The following HPS4 variants were observed in gnomAD, a reference collection of about 807,000 sequenced individuals.
HPS4 encodes BLOC-3 complex member HPS4.
HPS4 carries 44 observed loss-of-function variants against 70.3 expected under a neutral mutation model. The observed-to-expected ratio is 0.63, with a 90% CI of 0.49 to 0.80. The LOEUF (loss-of-function observed/expected upper bound fraction) is 0.80. HPS4 is among the 30% of genes least tolerant of loss of function. The pLI, the probability that HPS4 is intolerant of heterozygous loss-of-function variation, is 0.00. For missense variants in HPS4, 873 were observed against 884.4 expected, an observed-to-expected ratio of 0.99 and a Z score of 0.16; for synonymous variants, 377 against 355.9, an observed-to-expected ratio of 1.06 and a Z score of -0.67.
At chr22:26,446,401 G>A (rs1414403720), downstream of HPS4, among the ~76,000 whole-genome samples, 2 of 152,228 alleles carry the variant, frequency 1.3e-5, no homozygotes, top group Non-Finnish European at 2.9e-5. Flanking sequence ...CTGTGGGGGA[G>A]AGGAGTGATC....
chr22:26,449,664 C>A (rs1193081343), downstream of HPS4, among the ~76,000 whole-genome samples: 1 of 152,172 alleles, frequency 6.6e-6, no homozygotes, highest in Non-Finnish European at 1.5e-5. Context: ...CTGTGCCCCG[C>A]GCCATGGCAA....
chr22:26,476,690 AGAT>A (rs1476429100), intron 4 of HPS4: 6 of 368,498 alleles, frequency 1.6e-5, no homozygotes, highest in South Asian at 1.2e-4. Flanking sequence ...GGAGAAGAAA[AGAT>A]GATGATAAAA....
At chr22:26,454,653 T>A (rs999328755) in intron 13 of HPS4, among the ~76,000 whole-genome samples, 1 of 152,196 alleles carries the variant, frequency 6.6e-6, no homozygotes, top group Non-Finnish European at 1.5e-5. Flanking sequence ...GGCAATACCA[T>A]TCAGGACATA....
intron 11 of HPS4, among the ~76,000 whole-genome samples, chr22:26,458,971 C>CA (rs998368971): frequency 6.6e-6 from 1 of 151,964 alleles, no homozygotes; most frequent in African/African-American, 2.4e-5. Context: ...AAGAGATGAG[C>CA]AAAAAAATAA....
intron 6 of HPS4, 104 bp downstream of exon 6, chr22:26,472,198 A>G: frequency 3.7e-6 from 3 of 820,150 alleles, no homozygotes; most frequent in Non-Finnish European, 6.5e-6. Context: ...GAGAAGTGAC[A>G]TTCTACTCAC....
chr22:26,458,044 AAC>A, intron 12 of HPS4, 77 bp from the exon 13 acceptor site: 1 of 1,189,230 alleles, frequency 8.4e-7, no homozygotes. Context: ...CCCAGTACTG[AAC>A]ACGGGGACTG....
chr22:26,455,052 G>C (rs960467337), intron 13 of HPS4, among the ~76,000 whole-genome samples: 2 of 152,240 alleles, frequency 1.3e-5, no homozygotes, highest in Admixed American at 1.3e-4. Flanking sequence ...ACATCAGTTA[G>C]AATGGCGATC....
Position 26,464,547 on chromosome 22 carries a change from G to C in HPS4, c.1083C>G (p.Val361=), listed in dbSNP as rs532646940. The C allele has an allele frequency of 9.2e-5, 148 of 1,614,202 alleles. 3 individuals are homozygous for C. In the South Asian group the frequency reaches 1.6e-3, roughly 17 times the overall value. Reference sequence around the variant, plus strand: ...ACAAGTCGAGTTCTTCTTGGAGAAAGACTAGTTCCTTCCCCAGGGAGGAGC... The same window carrying C: ...ACAAGTCGAGTTCTTCTTGGAGAAACACTAGTTCCTTCCCCAGGGAGGAGC... ...GLSSSLGKEL[V]FLQEELDLSE... The change falls in exon 11 of 14, where the codon GTC becomes GTG. Residue 361 remains valine (V), a synonymous_variant. Transcript: ENST00000398145.
intron 11 of HPS4, among the ~76,000 whole-genome samples, chr22:26,459,350 A>C (rs1197209139): frequency 6.6e-6 from 1 of 152,278 alleles, no homozygotes; most frequent in Non-Finnish European, 1.5e-5. Context: ...TACAATTGAA[A>C]AGACTGGACT....
intron 13 of HPS4, among the ~76,000 whole-genome samples, chr22:26,455,824 C>G (rs1332326655): frequency 6.6e-6 from 1 of 152,000 alleles, no homozygotes; most frequent in Admixed American, 6.5e-5. Flanking sequence ...AGCTATGTGT[C>G]TCAACACTAA....
At chr22:26,449,352 C>G (rs2085064087), downstream of HPS4, among the ~76,000 whole-genome samples, 1 of 116,832 alleles carries the variant, frequency 8.6e-6, no homozygotes, top group African/African-American at 3.4e-5. Context: ...TTTTTTGAGA[C>G]AGAGTCTCAC....
At chr22:26,473,008 T>A in intron 4 of HPS4, 69 bp from the exon 5 acceptor site, 1 of 1,367,012 alleles carries the variant, frequency 7.3e-7, no homozygotes, top group Non-Finnish European at 1.0e-6. Flanking sequence ...AATCCTGGCA[T>A]CCAGGGCTCT....
At chr22:26,459,231 GC>G (rs1309280322) in intron 11 of HPS4, among the ~76,000 whole-genome samples, 4 of 152,180 alleles carry the variant, frequency 2.6e-5, no homozygotes, top group African/African-American at 9.7e-5. Flanking sequence ...CAGTCAAACA[GC>G]TTTCTGCACT....
downstream of HPS4, among the ~76,000 whole-genome samples, chr22:26,446,655 T>TA (rs1404138215): frequency 6.6e-6 from 1 of 152,182 alleles, no homozygotes; most frequent in African/African-American, 2.4e-5. Flanking sequence ...GCCTGGACAT[T>TA]AAAGTCTGAG....
rs1446211870 is a variant in HPS4, at chr22:26,458,440, C to T, written c.1846+5G>A. The T allele has an allele frequency of 6.2e-7, 1 of 1,614,068 alleles. No individual in the cohort carries two copies. The highest frequency in any genetic ancestry group is 2.2e-5 in the East Asian group (1 of 44,894). ...GTCGCCCCAGGCCCCTTGGCTGGTTCTTACCCATCAGCAAGCTCTGAATGC... is the reference window on the plus strand; with the variant it reads ...GTCGCCCCAGGCCCCTTGGCTGGTTTTTACCCATCAGCAAGCTCTGAATGC... On this transcript the variant is annotated splice_donor_5th_base_variant and intron_variant, in intron 12 of 13. Transcript: ENST00000398145.
In HPS4 at chr22:26,481,944, C is replaced by G. The variant is rs867992132; in HGVS notation, c.-182G>C. ...TCACTCAGCATGGAAAGTTCCACTTCCCTTCCTTGCAGGTTCTTCAGTTTC... is the reference window on the plus strand; with the variant it reads ...TCACTCAGCATGGAAAGTTCCACTTGCCTTCCTTGCAGGTTCTTCAGTTTC... On this transcript the variant is annotated 5_prime_UTR_variant, in exon 2 of 14. Coordinates refer to ENST00000398145, the MANE Select transcript of HPS4 (RefSeq NM_022081.6). The G allele has an allele frequency of 1.5e-6, 1 of 650,470 alleles. No homozygotes were observed. Among genetic ancestry groups the G allele is most frequent in the South Asian group, 1.7e-5 (1 of 58,360 alleles). 40.3% of individuals were successfully genotyped at this position (650,470 alleles called of 1,614,324 possible).
At position 26,477,050 on chromosome 22, in the gene HPS4, A is replaced by C. The variant is rs372865887; in HGVS notation, c.219T>G (p.Thr73=). 5.6e-6 allele frequency: 9 copies of C among 1,614,046 alleles called. No individual in the cohort carries two copies. The highest frequency in any genetic ancestry group is 7.6e-6 in the Non-Finnish European group (9 of 1,180,004). ...CVSDISDSPP[T]LVRLRKLKFA... ...ACTTCAGTTTTCTCAGACGAACAAG[A>C]GTAGGAGGAGAGTCAGAAATGTCAG... The change falls in exon 4 of 14, where the codon ACT becomes ACG. Residue 73 remains threonine (T), a synonymous_variant. Coordinates refer to ENST00000398145, the MANE Select transcript of HPS4 (RefSeq NM_022081.6).
intron 5 of HPS4, 86 bp from the exon 6 acceptor site, chr22:26,472,504 T>C: frequency 1.1e-6 from 1 of 911,762 alleles, no homozygotes; most frequent in Admixed American, 1.7e-5. Flanking sequence ...CAAAAATTGT[T>C]CCTCACACAG....
In HPS4 at chr22:26,464,594, T is replaced by C. The variant is rs372970834; in HGVS notation, c.1036A>G (p.Arg346Gly). The C allele has an allele frequency of 1.2e-6, 2 of 1,614,092 alleles. No individual in the cohort carries two copies. Among genetic ancestry groups the C allele is most frequent in the African/African-American group, 1.3e-5 (1 of 74,938 alleles). Residue 346 changes from arginine to glycine, a missense_variant, in exon 11 of 14, where the codon AGG (arginine) becomes GGG (glycine). By Grantham distance (125) the Arg-to-Gly change is moderately radical (BLOSUM62 -2). Coordinates refer to ENST00000398145, the MANE Select transcript of HPS4 (RefSeq NM_022081.6). Reference sequence around the variant, plus strand: ...GAGCTGAGGCCAAGAACCTCACCCCTGGCAGAGTTGTGCAGTCCTGCGGGC... The same window carrying C: ...GAGCTGAGGCCAAGAACCTCACCCCCGGCAGAGTTGTGCAGTCCTGCGGGC... ...IRPAGLHNSA[R>G]GEVLGLSSSL...
Sources: gnomAD v4.1 joint callset for allele counts (sites outside exome capture counted in the v4.1 genomes callset) on GRCh38, gnomAD v4.1.1 for gene constraint, MANE v1.5 for transcripts, NCBI Gene and HGNC (gene_info 2026-07-23, HGNC 2026-07-21) for gene names.